The following ACSL3 variants were observed in gnomAD, a reference collection of about 807,000 sequenced individuals.
ACSL3 encodes the protein acyl-CoA synthetase long chain family member 3, also known as fatty acid CoA ligase Acsl3.
In ACSL3, 34 loss-of-function variants were observed where a neutral mutation model predicts 84.7. The observed-to-expected ratio is 0.40, with a 90% CI of 0.31 to 0.53. The LOEUF (loss-of-function observed/expected upper bound fraction) is 0.53. Among genes scored for constraint, ACSL3 ranks in the 20% least tolerant of loss-of-function variants. ACSL3 has a pLI of 0.48. For missense variants in ACSL3, 680 were observed against 873.1 expected, an observed-to-expected ratio of 0.78 and a Z score of 2.79; for synonymous variants, 315 against 299.4, an observed-to-expected ratio of 1.05 and a Z score of -0.54.
chr2:222,922,348 A>G (rs10204692), intron 8 of ACSL3, among the ~76,000 whole-genome samples: 59,787 of 151,970 alleles, frequency 0.39, 12,556 homozygotes, highest in East Asian at 0.76. Context: ...CTGTTCTTCA[A>G]AAGAACCCTG....
chr2:222,941,097 T>G (rs1465143214), intron 16 of ACSL3, among the ~76,000 whole-genome samples: 3 of 152,134 alleles, frequency 2.0e-5, no homozygotes, highest in Non-Finnish European at 4.4e-5. Context: ...AAAAATATTT[T>G]TAAGTTACTT....
At chr2:222,930,523 A>T in intron 13 of ACSL3, 98 bp from the exon 14 acceptor site, 1 of 1,059,822 alleles carries the variant, frequency 9.4e-7, no homozygotes, top group Non-Finnish European at 1.3e-6. Context: ...GGGAAGTTCT[A>T]ATTGGATTAA....
chr2:222,905,382 A>G (rs1293808423), intron 3 of ACSL3, among the ~76,000 whole-genome samples: 1 of 152,120 alleles, frequency 6.6e-6, no homozygotes, highest in Non-Finnish European at 1.5e-5. Flanking sequence ...GCTGGTCTTG[A>G]ACTGCTGGGC....
intron 3 of ACSL3, among the ~76,000 whole-genome samples, chr2:222,902,921 C>T (rs1371986358): frequency 6.6e-6 from 1 of 152,248 alleles, no homozygotes; most frequent in Non-Finnish European, 1.5e-5. Flanking sequence ...TCCAGTCTTT[C>T]AGCCTTCAGG....
At chr2:222,893,877 G>C (rs1695903722) in intron 2 of ACSL3, among the ~76,000 whole-genome samples, 1 of 151,752 alleles carries the variant, frequency 6.6e-6, no homozygotes, top group African/African-American at 2.4e-5. Flanking sequence ...TGTTGCTCAG[G>C]CTGGAGTGCT....
At chr2:222,901,680 C>T (rs1696154363) in intron 3 of ACSL3, among the ~76,000 whole-genome samples, 1 of 152,102 alleles carries the variant, frequency 6.6e-6, no homozygotes, top group South Asian at 2.1e-4. Flanking sequence ...GGCATGGTGG[C>T]CCACGCCTGT....
chr2:222,867,464 TGTATA>T (rs1252106086), intron 1 of ACSL3, among the ~76,000 whole-genome samples: 2 of 152,200 alleles, frequency 1.3e-5, no homozygotes, highest in Non-Finnish European at 1.5e-5. Flanking sequence ...CCTTAGACAG[TGTATA>T]GTATTGTTTT....
In ACSL3 at chr2:222,918,090, G is replaced by A. The variant is rs761000909; in HGVS notation, c.601G>A (p.Ala201Thr). ...ATLGGPAIVHALNETEVTNII... is the reference protein window; with the variant it reads ...ATLGGPAIVHTLNETEVTNII... ...TCTAGGAGGTCCAGCCATTGTTCATGCATTAAATGAAACAGAGGTGACCAA... is the reference window on the plus strand; with the variant it reads ...TCTAGGAGGTCCAGCCATTGTTCATACATTAAATGAAACAGAGGTGACCAA... Residue 201 changes from alanine to threonine, a missense_variant, in exon 6 of 17, where the codon GCA (alanine) becomes ACA (threonine). This residue lies in a region of ACSL3 where 333 missense variants were observed against 347.5 expected (regional missense o/e 0.96). Transcript: ENST00000357430. The A allele has an allele frequency of 6.8e-6, 11 of 1,612,368 alleles. No individual in the cohort carries two copies. The highest frequency in any genetic ancestry group is 1.3e-5 in the African/African-American group (1 of 74,858).
intron 2 of ACSL3, among the ~76,000 whole-genome samples, chr2:222,890,655 T>G (rs1309323949): frequency 6.6e-6 from 1 of 152,152 alleles, no homozygotes; most frequent in Admixed American, 6.5e-5. Context: ...TGTTTGTTTA[T>G]TTTTGAGACA....
At chr2:222,862,046 A>G (rs544258359) in intron 1 of ACSL3, among the ~76,000 whole-genome samples, 2 of 152,238 alleles carry the variant, frequency 1.3e-5, no homozygotes, top group Non-Finnish European at 2.9e-5. Flanking sequence ...AGATCCCTCG[A>G]AAATGAAAAG....
rs146239364 is a variant in ACSL3 at position 222,919,163 on chromosome 2, A to G, written c.766A>G (p.Met256Val). The change falls in exon 7 of 17, where the codon ATG (methionine) becomes GTG (valine). Residue 256 changes from methionine (M) to valine (V), a missense_variant. By Grantham distance (21) the Met-to-Val change is conservative. This residue lies in a region of ACSL3 where 333 missense variants were observed against 347.5 expected (regional missense o/e 0.96). Coordinates refer to ENST00000357430, the MANE Select transcript of ACSL3 (RefSeq NM_004457.5). ...CCCCAAGGGCATCATTGTGCATACC[A>G]TGGCTGCAGTGGAGGCCCTGGGAGC... ...EFPKGIIVHT[M>V]AAVEALGAKA... The G allele has an allele frequency of 2.8e-4, 457 of 1,614,114 alleles. 4 individuals are homozygous for G. The African/African-American group carries it at 5.2e-3, about 18-fold the overall frequency.
intron 9 of ACSL3, 24 bp downstream of exon 9, chr2:222,922,855 A>G (rs1201539280): frequency 6.2e-7 from 1 of 1,612,762 alleles, no homozygotes; most frequent in Non-Finnish European, 8.5e-7. Flanking sequence ...CTGTGACTTG[A>G]AATACTAAAA....
rs765995360 is a variant in ACSL3, at chr2:222,901,943, CAAAAAAAA to C, written c.-41+1177_-41+1184del. On this transcript the variant is annotated intron_variant, in intron 3 of 16. Transcript: ENST00000357430. Reference sequence around the variant, plus strand: ...TGGGTGACAGAGTGAGACTCGGTCTCAAAAAAAAAAAAAAAAAAAAAGAACTCAAATAT... The same window carrying C: ...TGGGTGACAGAGTGAGACTCGGTCTCAAAAAAAAAAAAAGAACTCAAATAT... Among the ~76,000 whole-genome samples, 20 of 12,388 alleles carry C rather than the reference CAAAAAAAA, an allele frequency of 1.6e-3. 1 individual carries two copies. The highest frequency in any genetic ancestry group is 0.022 in the Middle Eastern group (1 of 46). The allele number at this position is 12,388 out of a possible 152,430, so 8.1% of individuals were successfully genotyped here. A position where few individuals can be genotyped will look rare whatever the true frequency, so the allele number is the denominator to read the frequency against.
chr2:222,929,621 T>C (rs1696969874), intron 13 of ACSL3, among the ~76,000 whole-genome samples: 1 of 151,892 alleles, frequency 6.6e-6, no homozygotes, highest in South Asian at 2.1e-4. Context: ...CTACTAAAAA[T>C]ACAAAAATTA....
chr2:222,882,719 T>C (rs991624510), intron 1 of ACSL3, among the ~76,000 whole-genome samples: 2 of 149,956 alleles, frequency 1.3e-5, no homozygotes, highest in African/African-American at 2.5e-5. Context: ...ACAGGAAGGG[T>C]GACCATATAT....
chr2:222,936,231 G>T (rs768357072), intron 16 of ACSL3, among the ~76,000 whole-genome samples: 69 of 152,098 alleles, frequency 4.5e-4, no homozygotes, highest in Non-Finnish European at 9.0e-4. Context: ...TGCAAATATG[G>T]CTTTGAGATT....
intron 2 of ACSL3, among the ~76,000 whole-genome samples, chr2:222,895,119 CT>C (rs1285417110): frequency 3.3e-5 from 5 of 152,162 alleles, no homozygotes; most frequent in Admixed American, 3.3e-4. Flanking sequence ...TCCAGCCTGC[CT>C]TTGCTATTCC....
At chr2:222,921,456 G>C in intron 8 of ACSL3, 26 bp downstream of exon 8, 1 of 1,553,348 alleles carries the variant, frequency 6.4e-7, no homozygotes. Flanking sequence ...GTAACATTGA[G>C]TAGTTAAGTA....
At chr2:222,912,995 C>T (rs4674724) in intron 4 of ACSL3, among the ~76,000 whole-genome samples, 127,308 of 152,156 alleles carry the variant, frequency 0.84, 53,595 homozygotes, top group East Asian at 0.97. Flanking sequence ...TCAGGACAAC[C>T]TTAAAATACA....
Sources: allele counts gnomAD v4.1 joint callset (sites outside exome capture counted in the v4.1 genomes callset), GRCh38; gene constraint gnomAD v4.1.1; regional missense constraint gnomAD v4.1.1; transcripts MANE v1.5; gene names NCBI Gene and HGNC (gene_info 2026-07-23, HGNC 2026-07-21).